Variants in SORBS3 observed in about 807,000 individuals in gnomAD.
SORBS3 encodes the protein vinexin.
SORBS3 carries 69 observed loss-of-function variants against 98.0 expected under a neutral mutation model. The observed-to-expected ratio is 0.70, with a 90% CI of 0.58 to 0.86. SORBS3 has a LOEUF of 0.86. SORBS3 is among the 40% of genes least tolerant of loss of function. The probability of loss-of-function intolerance (pLI) is 0.00; values close to 1 mark genes in which losing one functional copy is unlikely to be tolerated. For synonymous variants in SORBS3, 394 were observed against 355.4 expected (o/e 1.11, Z -1.22); for missense variants, 954 against 908.5 (o/e 1.05, Z -0.64).
chr8:22,564,904 G>A (rs375738470), intron 10 of SORBS3: 14 of 1,266,230 alleles, frequency 1.1e-5, no homozygotes, highest in Admixed American at 3.8e-5. Flanking sequence ...GGTGGCGGGG[G>A]AACCTGGATG....
At chr8:22,549,122 T>G (rs1055210231), upstream of SORBS3, among the ~76,000 whole-genome samples, 2 of 152,208 alleles carry the variant, frequency 1.3e-5, no homozygotes, top group African/African-American at 4.8e-5. Flanking sequence ...GTTATGTAAC[T>G]GTGTTTACTG....
intron 10 of SORBS3, 146 bp from the exon 11 acceptor site, chr8:22,565,122 C>T (rs982682987): frequency 1.4e-6 from 2 of 1,466,970 alleles, no homozygotes; most frequent in African/African-American, 2.8e-5. Context: ...GGCCACACCT[C>T]CTGGCAGGAG....
upstream of SORBS3, among the ~76,000 whole-genome samples, chr8:22,548,463 G>A (rs550155203): frequency 6.2e-4 from 94 of 152,326 alleles, no homozygotes; most frequent in Non-Finnish European, 9.3e-4. Flanking sequence ...TGCTGGAAAC[G>A]GGCAGTGCTT....
rs1365908390 is a variant in SORBS3, at chr8:22,571,024, C to T, written c.1546C>T (p.Pro516Ser). The T allele has an allele frequency of 2.5e-6, 4 of 1,613,508 alleles. No homozygotes were observed. The highest frequency in any genetic ancestry group is 2.7e-5 in the African/African-American group (2 of 74,888). Residue 516 changes from proline to serine, a missense_variant, in exon 18 of 21, where the codon CCC becomes TCC. Coordinates refer to ENST00000240123, the MANE Select transcript of SORBS3 (RefSeq NM_005775.5). ...CAGCTACGTGCAGGTGTCTCGTGAA[C>T]CCCGGCTCCGGCTCTGTGACGACGG... is the stretch of plus-strand genomic sequence containing the variant. ...PASYVQVSRE[P>S]RLRLCDDGPQ...
rs1214637755 is a variant in SORBS3, at chr8:22,570,892, T to A, written c.1432-18T>A. The A allele has an allele frequency of 1.3e-6, 2 of 1,572,054 alleles. No homozygotes were observed. The highest frequency in any genetic ancestry group is 1.7e-6 in the Non-Finnish European group (2 of 1,154,680). On this transcript the variant is annotated intron_variant, in intron 17 of 20. Coordinates refer to ENST00000240123, the MANE Select transcript of SORBS3 (RefSeq NM_005775.5). ...GGCACCAGGAAGGCCCCACAGACAC[T>A]GACTTTTCCCCCCTCAGGGAGAGCA...
chr8:22,561,720 G>A (rs1049344350), intron 6 of SORBS3, 145 bp from the exon 7 acceptor site: 3 of 722,222 alleles, frequency 4.2e-6, no homozygotes, highest in Admixed American at 2.2e-5. Context: ...CAGTGTCCCT[G>A]AGCACCAACC....
chr8:22,566,532 A>G, intron 13 of SORBS3, 48 bp downstream of exon 13: 1 of 1,600,666 alleles, frequency 6.2e-7, no homozygotes, highest in Non-Finnish European at 8.5e-7. Context: ...CCCACCCACC[A>G]GGCATGTTGG....
intron 5 of SORBS3, among the ~76,000 whole-genome samples, chr8:22,560,677 G>A (rs1022524742): frequency 1.3e-5 from 2 of 152,178 alleles, no homozygotes; most frequent in Admixed American, 6.5e-5. Flanking sequence ...TTAGGGAGAC[G>A]GGGAGTAGGG....
rs752751340 is a variant in SORBS3 at position 22,556,693 on chromosome 8, C to T, written c.221-22C>T. On this transcript the variant is annotated intron_variant, in intron 3 of 20. Coordinates refer to ENST00000240123, the MANE Select transcript of SORBS3 (RefSeq NM_005775.5). ...TGGAGACCCCTGCCTTTCACTAATG[C>T]TCTCCTGCACGCACCCAACAGACCC... 3.1e-6 allele frequency: 5 copies of T among 1,611,186 alleles called. No homozygotes were observed. In the South Asian group the frequency reaches 3.3e-5, roughly 11 times the overall value.
In SORBS3 at chr8:22,573,986, G is replaced by T. The variant is rs190028421; in HGVS notation, c.1955-681G>T. Among the ~76,000 whole-genome samples the T allele has an allele frequency of 6.5e-3, 989 of 152,306 alleles. 3 individuals carry two copies. Among genetic ancestry groups the T allele is most frequent in the Non-Finnish European group, 0.01 (699 of 68,018 alleles). On this transcript the variant is annotated intron_variant, in intron 20 of 20. Transcript: ENST00000240123. ...AGGCAGGGGTGTGCAGGGAAAAGGGGCAGGGCTCTGAAGGTCGGCAACCCC... is the reference window on the plus strand; with the variant it reads ...AGGCAGGGGTGTGCAGGGAAAAGGGTCAGGGCTCTGAAGGTCGGCAACCCC...
chr8:22,561,848 G>C lies in SORBS3; in HGVS notation c.518-17G>C. ...TCCTCCCACCTTCAATGCTTTCCTC[G>C]TGTACCTCCTCTGCAGACCCCAGGC... On this transcript the variant is annotated splice_polypyrimidine_tract_variant and intron_variant, in intron 6 of 20. Coordinates refer to ENST00000240123, the MANE Select transcript of SORBS3 (RefSeq NM_005775.5). 2 of 1,612,886 alleles carry C rather than the reference G, an allele frequency of 1.2e-6. No individual in the cohort carries two copies. Among genetic ancestry groups the C allele is most frequent in the Non-Finnish European group, 1.7e-6 (2 of 1,178,894 alleles).
chr8:22,565,930 G>C, intron 12 of SORBS3, 58 bp downstream of exon 12: 2 of 1,150,958 alleles, frequency 1.7e-6, no homozygotes, highest in Non-Finnish European at 2.2e-6. Context: ...GGGAGGGAAC[G>C]TGGCGCGGCC....
chr8:22,558,817 G>A (rs1402824253), intron 5 of SORBS3, among the ~76,000 whole-genome samples: 1 of 152,382 alleles, frequency 6.6e-6, no homozygotes, highest in Non-Finnish European at 1.5e-5. Flanking sequence ...TTTGTAAGCG[G>A]TGTTTGATCA....
upstream of SORBS3, chr8:22,551,724 C>T (rs575916328): frequency 1.0e-4 from 100 of 984,336 alleles, no homozygotes; most frequent in Middle Eastern, 5.2e-4. This position sits in a 1 kb window ranked among gnomAD's most constrained non-coding sequence, Gnocchi z 5.8. Context: ...GGAGAGCACT[C>T]GCACGTCCCT....
intron 16 of SORBS3, among the ~76,000 whole-genome samples, chr8:22,568,412 C>G (rs1355644074): frequency 1.3e-5 from 2 of 152,200 alleles, no homozygotes; most frequent in Non-Finnish European, 2.9e-5. Context: ...AACTGCATCT[C>G]ACACATTTTG....
chr8:22,565,185 G>C, intron 10 of SORBS3, 83 bp from the exon 11 acceptor site: 2 of 1,491,574 alleles, frequency 1.3e-6, no homozygotes, highest in Non-Finnish European at 1.8e-6. Flanking sequence ...CGCTGGCCTT[G>C]CTTTTCACAG....
chr8:22,571,576 GGTTTGGAGGCTAAGATGAAGCC>G (rs1478128977), intron 18 of SORBS3, 120 bp from the exon 19 acceptor site: 6 of 662,210 alleles, frequency 9.1e-6, no homozygotes. Context: ...GTGCCCTGGG[GGTTTGGAGGCTAAGATGAAGCC>G]GTTTGTAAGG....
At chr8:22,546,498 A>G (rs1282594743) in intron 1 of SORBS3, among the ~76,000 whole-genome samples, 2 of 152,090 alleles carry the variant, frequency 1.3e-5, no homozygotes, top group Non-Finnish European at 2.9e-5. Context: ...GTTGGCCACA[A>G]CGTGTTTCTG....
chr8:22,564,601 C>A, intron 10 of SORBS3, 80 bp downstream of exon 10: 1 of 1,561,978 alleles, frequency 6.4e-7, no homozygotes, highest in Non-Finnish European at 8.8e-7. Context: ...TAACCATGGG[C>A]ATAGGCCACG....
Sources: gnomAD v4.1 joint callset for allele counts (sites outside exome capture counted in the v4.1 genomes callset) on GRCh38, gnomAD v4.1.1 for gene constraint, Gnocchi (gnomAD v3.1) non-coding constraint, MANE v1.5 for transcripts, NCBI Gene and HGNC (gene_info 2026-07-23, HGNC 2026-07-21) for gene names.